Variants in ARFGEF2 observed in about 807,000 individuals in gnomAD.
ARFGEF2 encodes brefeldin A-inhibited guanine nucleotide-exchange protein 2.
Under a neutral mutation model 219.9 loss-of-function variants are expected in ARFGEF2, and 74 were observed. The ratio of observed to expected loss-of-function variants is 0.34; its 90% CI spans 0.28 to 0.41. The LOEUF is 0.41. Ranked by LOEUF, ARFGEF2 falls within the 10% of genes least tolerant of loss-of-function variation. The probability of loss-of-function intolerance (pLI) is 1.00; values close to 1 mark genes in which losing one functional copy is unlikely to be tolerated. For missense variants in ARFGEF2, 1,743 were observed against 2,218.3 expected (o/e 0.79, Z 4.30); for synonymous variants, 733 against 799.2 (o/e 0.92, Z 1.40).
At chr20:48,964,733 G>T (rs938646480) in intron 7 of ARFGEF2, among the ~76,000 whole-genome samples, 1 of 152,132 alleles carries the variant, frequency 6.6e-6, no homozygotes, top group Non-Finnish European at 1.5e-5. Flanking sequence ...CTTTGTTTCT[G>T]CCCAAAATCT....
In ARFGEF2 at chr20:49,035,741, T is replaced by G. The variant is rs1007024817; in HGVS notation, c.*2542T>G. 2 of 154,150 alleles carry G rather than the reference T, an allele frequency of 1.3e-5. No individual in the cohort carries two copies. Among genetic ancestry groups the G allele is most frequent in the Non-Finnish European group, 2.9e-5 (2 of 69,456 alleles). The allele number at this position is 154,150 out of a possible 1,614,324, so 9.5% of individuals were successfully genotyped here. A position where few individuals can be genotyped will look rare whatever the true frequency, so the allele number is the denominator to read the frequency against. Reference sequence around the variant, plus strand: ...TATGTGCTGGGTCTCTAGAGAAGTTTTTATTTGTTACAATACTGCTGCTTT... The same window carrying G: ...TATGTGCTGGGTCTCTAGAGAAGTTGTTATTTGTTACAATACTGCTGCTTT... On this transcript the variant is annotated 3_prime_UTR_variant, in exon 39 of 39. Coordinates refer to ENST00000371917, the MANE Select transcript of ARFGEF2 (RefSeq NM_006420.3).
intron 26 of ARFGEF2, among the ~76,000 whole-genome samples, chr20:49,007,684 GA>G (rs2091471042): frequency 2.7e-5 from 4 of 147,378 alleles, no homozygotes; most frequent in Middle Eastern, 3.6e-3. Flanking sequence ...AAGGGTACCA[GA>G]AAAGTTTCCT....
rs367712629 is a variant in ARFGEF2 at position 48,984,783 on chromosome 20, G to A, written c.2013G>A (p.Leu671=). 3.7e-6 allele frequency: 6 copies of A among 1,613,618 alleles called. No homozygotes were observed. Among genetic ancestry groups the A allele is most frequent in the Non-Finnish European group, 4.2e-6 (5 of 1,180,036 alleles). Residue 671 remains leucine, a synonymous_variant, in exon 15 of 39, where the codon CTG becomes CTA. Coordinates refer to ENST00000371917, the MANE Select transcript of ARFGEF2 (RefSeq NM_006420.3). ...AGTTTCTCCAGGAGCAGGGCATGCT[G>A]GGAACGTCAGTTGAAGACATAGCCC... ...GIQFLQEQGM[L]GTSVEDIAQF...
chr20:48,929,012 A>T (rs942348355), intron 1 of ARFGEF2, among the ~76,000 whole-genome samples: 1 of 152,202 alleles, frequency 6.6e-6, no homozygotes, highest in African/African-American at 2.4e-5. Flanking sequence ...AAAAGAGTGA[A>T]CTTGTGAAAA....
intron 21 of ARFGEF2, 133 bp downstream of exon 21, chr20:48,991,331 C>T: frequency 7.6e-7 from 1 of 1,314,542 alleles, no homozygotes; most frequent in South Asian, 1.2e-5. Flanking sequence ...CTGGAAGTCA[C>T]CCTCTCTGGG....
intron 3 of ARFGEF2, among the ~76,000 whole-genome samples, chr20:48,948,975 T>C (rs777444351): frequency 6.6e-6 from 1 of 152,218 alleles, no homozygotes; most frequent in African/African-American, 2.4e-5. Flanking sequence ...ATATAGACTC[T>C]ATAAGAAAAA....
At chr20:48,952,599 C>A in intron 4 of ARFGEF2, 106 bp from the exon 5 acceptor site, 2 of 1,131,950 alleles carry the variant, frequency 1.8e-6, no homozygotes, top group Non-Finnish European at 2.7e-6. Flanking sequence ...GAAAAAAGCA[C>A]ACAGAAAAGA....
At position 49,005,106 on chromosome 20, in the gene ARFGEF2, G is replaced by A; in HGVS notation, c.3469G>A (p.Ala1157Thr). The A allele has an allele frequency of 6.2e-7, 1 of 1,614,142 alleles. No homozygotes were observed. The highest frequency in any genetic ancestry group is 8.5e-7 in the Non-Finnish European group (1 of 1,180,032). The change falls in exon 26 of 39, where the codon GCT (alanine) becomes ACT (threonine). Residue 1157 changes from alanine to threonine, a missense_variant. By Grantham distance (58) the Ala-to-Thr change is moderately conservative. Coordinates refer to ENST00000371917, the MANE Select transcript of ARFGEF2 (RefSeq NM_006420.3). ...CNPNEDVAIF[A>T]VDSLRQLSMK... ...CCCTAATGAAGATGTGGCTATCTTT[G>A]CTGTTGACTCATTAAGGCAACTCTC...
chr20:48,985,961 T>C (rs1469046644), intron 16 of ARFGEF2, among the ~76,000 whole-genome samples: 1 of 152,200 alleles, frequency 6.6e-6, no homozygotes, highest in Non-Finnish European at 1.5e-5. Flanking sequence ...CCTGATTTAA[T>C]ATATGGGGTA....
chr20:48,936,049 G>T (rs1365416411), intron 1 of ARFGEF2, among the ~76,000 whole-genome samples: 1 of 137,312 alleles, frequency 7.3e-6, no homozygotes, highest in Non-Finnish European at 1.6e-5. Context: ...CTCACTTCCC[G>T]CATGGGGCGG....
intron 12 of ARFGEF2, 136 bp from the exon 13 acceptor site, chr20:48,974,630 G>C (rs1001556345): frequency 2.8e-6 from 2 of 705,638 alleles, no homozygotes; most frequent in Non-Finnish European, 5.0e-6. Flanking sequence ...CTTAGCTCTG[G>C]GTTTGTTTCA....
intron 36 of ARFGEF2, among the ~76,000 whole-genome samples, chr20:49,027,324 C>T (rs1355422726): frequency 6.6e-6 from 1 of 152,118 alleles, no homozygotes; most frequent in Admixed American, 6.5e-5. Flanking sequence ...TGAGCCGCTG[C>T]GCCCAGCCTA....
intron 34 of ARFGEF2, among the ~76,000 whole-genome samples, chr20:49,020,480 C>CT (rs1372276369): frequency 6.6e-6 from 1 of 152,224 alleles, no homozygotes; most frequent in African/African-American, 2.4e-5. Flanking sequence ...GGGACATACT[C>CT]TGTCTCCCAA....
chr20:49,012,779 G>T (rs1054515273), intron 28 of ARFGEF2, among the ~76,000 whole-genome samples: 10 of 152,188 alleles, frequency 6.6e-5, no homozygotes, highest in Non-Finnish European at 1.0e-4. Flanking sequence ...GGTATTTTCT[G>T]TATGTTGATT....
chr20:49,013,749 C>G (rs577862697), intron 29 of ARFGEF2, 55 bp downstream of exon 29: 75 of 1,613,962 alleles, frequency 4.6e-5, no homozygotes, highest in Non-Finnish European at 6.4e-5. Context: ...ACCTCAGTCA[C>G]TTGCTCACCT....
chr20:48,992,604 A>C (rs1294455683), intron 21 of ARFGEF2, among the ~76,000 whole-genome samples: 2 of 152,208 alleles, frequency 1.3e-5, no homozygotes, highest in African/African-American at 4.8e-5. Context: ...GGTGGTTATG[A>C]AAATGAAGAG....
chr20:48,966,887 C>T (rs2091191252), intron 8 of ARFGEF2, among the ~76,000 whole-genome samples: 1 of 152,176 alleles, frequency 6.6e-6, no homozygotes, highest in Non-Finnish European at 1.5e-5. Flanking sequence ...CTCACTCTCA[C>T]CTAGGCTAGA....
intron 1 of ARFGEF2, among the ~76,000 whole-genome samples, chr20:48,937,423 T>G (rs933489759): frequency 1.3e-5 from 2 of 152,194 alleles, no homozygotes; most frequent in African/African-American, 4.8e-5. Context: ...TCTTTTTTAT[T>G]AGATGGACTC....
chr20:48,974,547 GC>G (rs1443800267), intron 12 of ARFGEF2, among the ~76,000 whole-genome samples: 2 of 152,066 alleles, frequency 1.3e-5, no homozygotes, highest in African/African-American at 4.8e-5. Context: ...TATTTTTGCT[GC>G]TGGGGTGTTT....
Sources: allele counts gnomAD v4.1 joint callset (sites outside exome capture counted in the v4.1 genomes callset), GRCh38; gene constraint gnomAD v4.1.1; transcripts MANE v1.5; gene names NCBI Gene and HGNC (gene_info 2026-07-23, HGNC 2026-07-21).